TRPM3: variants seen among roughly 807,000 people sequenced by gnomAD.
TRPM3 encodes the protein long transient receptor potential channel 3.
In TRPM3, 77 loss-of-function variants were observed where a neutral mutation model predicts 181.2. The ratio of observed to expected loss-of-function variants is 0.42; its 90% CI spans 0.35 to 0.51. The LOEUF is 0.51. TRPM3 is among the 20% of genes least tolerant of loss of function. The probability of loss-of-function intolerance (pLI) is 0.01; values close to 1 mark genes in which losing one functional copy is unlikely to be tolerated. For missense variants in TRPM3, 1,759 were observed against 2,196.7 expected (o/e 0.80, Z 3.98); for synonymous variants, 745 against 796.4 (o/e 0.94, Z 1.09).
At chr9:71,426,861 T>C (rs1298020936) in intron 1 of TRPM3, among the ~76,000 whole-genome samples, 1 of 152,126 alleles carries the variant, frequency 6.6e-6, no homozygotes, top group African/African-American at 2.4e-5. Flanking sequence ...GAGGTAATTC[T>C]CGATTTTTTT....
chr9:71,194,334 C>T (rs577681809), intron 1 of TRPM3, among the ~76,000 whole-genome samples: 2 of 152,040 alleles, frequency 1.3e-5, no homozygotes, highest in Non-Finnish European at 2.9e-5. Flanking sequence ...TTCATAAACC[C>T]TGTTTCCTCT....
chr9:71,353,466 TCTATCCA>T (rs1345850361), intron 1 of TRPM3, among the ~76,000 whole-genome samples: 1 of 152,154 alleles, frequency 6.6e-6, no homozygotes, highest in Non-Finnish European at 1.5e-5. Flanking sequence ...TGTCTCTATA[TCTATCCA>T]TGGCAGAGTT....
chr9:70,952,048 G>A (rs924635459), intron 1 of TRPM3, among the ~76,000 whole-genome samples: 1 of 152,168 alleles, frequency 6.6e-6, no homozygotes, highest in Non-Finnish European at 1.5e-5. Context: ...GAATGCAAAT[G>A]CAATGCCCTG....
chr9:70,537,429 A>C (rs760514848), intron 25 of TRPM3, 24 bp from the exon 26 acceptor site: 1 of 1,427,384 alleles, frequency 7.0e-7, no homozygotes, highest in Admixed American at 2.6e-5. Context: ...AGAGAATGAG[A>C]GTCACTCGGC....
In TRPM3 at chr9:71,361,345, C is replaced by A. The variant is rs141047755; in HGVS notation, c.183+85308G>T. On this transcript the variant is annotated intron_variant, in intron 1 of 24. Coordinates refer to the TRPM3 transcript ENST00000357533. ...TACCTCTCTGTGCTATTTTGAGAGA[C>A]CATAGCGTAAGAAAAAATTAACTCC... Among the ~76,000 whole-genome samples the A allele has an allele frequency of 9.9e-3, 1,505 of 152,052 alleles. 19 individuals carry two copies. The highest frequency in any genetic ancestry group is 0.044 in the Middle Eastern group (13 of 294).
chr9:71,017,172 T>C (rs532110782), intron 1 of TRPM3, among the ~76,000 whole-genome samples: 2 of 152,210 alleles, frequency 1.3e-5, no homozygotes, highest in Admixed American at 6.5e-5. Context: ...CAAGAAGACA[T>C]GTATAGGACA....
chr9:71,369,653 A>T (rs916666813), intron 1 of TRPM3, among the ~76,000 whole-genome samples: 9 of 152,164 alleles, frequency 5.9e-5, no homozygotes, highest in African/African-American at 2.2e-4. Context: ...AAGTGCTGGG[A>T]TTACAAGCGT....
At chr9:70,880,719 C>T (rs1394785187) in intron 1 of TRPM3, among the ~76,000 whole-genome samples, 2 of 152,078 alleles carry the variant, frequency 1.3e-5, no homozygotes, top group Non-Finnish European at 2.9e-5. Flanking sequence ...TGCTCATTAA[C>T]ATTTAAGACC....
At chr9:70,795,043 C>T (rs2086651305) in intron 6 of TRPM3, among the ~76,000 whole-genome samples, 1 of 152,228 alleles carries the variant, frequency 6.6e-6, no homozygotes, top group African/African-American at 2.4e-5. Context: ...GTAGCATTTA[C>T]ATTATATTAG....
At position 70,536,329 on chromosome 9, in the gene TRPM3, T is replaced by G. The variant is rs775650485; in HGVS notation, c.4784A>C (p.His1595Pro). Residue 1595 changes from histidine to proline, a missense_variant, in exon 26 of 26, where the codon CAT becomes CCT. Physicochemically the swap from His to Pro is moderately conservative, Grantham distance 77. This residue lies in a region of TRPM3 where 612 missense variants were observed against 590.0 expected (regional missense o/e 1.04). Transcript: ENST00000677713. ...ACTCAGTTCTGCTTCTCGCTCTGGATGGCAGCAAGTTAAGTCCTCCACTTT... is the reference window on the plus strand; with the variant it reads ...ACTCAGTTCTGCTTCTCGCTCTGGAGGGCAGCAAGTTAAGTCCTCCACTTT... ...GDKVEDLTCC[H>P]PEREAELSHP... The G allele has an allele frequency of 7.4e-6, 12 of 1,614,128 alleles. No homozygotes were observed. Among genetic ancestry groups the G allele is most frequent in the Middle Eastern group, 1.6e-4 (1 of 6,062 alleles).
intron 1 of TRPM3, among the ~76,000 whole-genome samples, chr9:71,144,077 A>C (rs1256959416): frequency 6.6e-6 from 1 of 152,160 alleles, no homozygotes; most frequent in East Asian, 1.9e-4. Flanking sequence ...TTAGTTCTCA[A>C]ATCTAGTTTT....
At chr9:71,134,384 T>G (rs2074623075) in intron 1 of TRPM3, among the ~76,000 whole-genome samples, 1 of 151,784 alleles carries the variant, frequency 6.6e-6, no homozygotes, top group Non-Finnish European at 1.5e-5. Context: ...AAACCCCATC[T>G]CTACTAAAAA....
chr9:70,591,444 G>T (rs2058091772), intron 21 of TRPM3, among the ~76,000 whole-genome samples: 1 of 152,156 alleles, frequency 6.6e-6, no homozygotes, highest in Non-Finnish European at 1.5e-5. Context: ...CACAGATGAA[G>T]CCTCTTCGTT....
At chr9:71,239,690 A>G (rs2081554934) in intron 1 of TRPM3, among the ~76,000 whole-genome samples, 1 of 152,164 alleles carries the variant, frequency 6.6e-6, no homozygotes, top group African/African-American at 2.4e-5. Context: ...TACCATTTAA[A>G]TTGTAGTATT....
chr9:71,193,121 A>G (rs2078133402), intron 1 of TRPM3, among the ~76,000 whole-genome samples: 1 of 151,858 alleles, frequency 6.6e-6, no homozygotes, highest in African/African-American at 2.4e-5. Flanking sequence ...ACAGGAAATT[A>G]CTTTGGATTT....
intron 14 of TRPM3, among the ~76,000 whole-genome samples, chr9:70,624,205 C>T (rs1478633807): frequency 6.6e-6 from 1 of 152,160 alleles, no homozygotes; most frequent in African/African-American, 2.4e-5. Flanking sequence ...CCTTAACAAA[C>T]TAATTTTCCA....
intron 25 of TRPM3, among the ~76,000 whole-genome samples, chr9:70,545,319 C>G (rs937656623): frequency 3.9e-5 from 6 of 152,106 alleles, no homozygotes; most frequent in African/African-American, 7.2e-5. Context: ...GCTCTAACAA[C>G]ACAGGGAATT....
chr9:70,777,293 G>T lies in TRPM3; in HGVS notation c.1148+6812C>A, dbSNP rs773837925. 6.0e-4 allele frequency among the ~76,000 whole-genome samples: 91 copies of T among 152,046 alleles called. 1 individual carries two copies. Among genetic ancestry groups the T allele is most frequent in the Non-Finnish European group, 1.3e-3 (86 of 67,988 alleles). On this transcript the variant is annotated intron_variant, in intron 7 of 25. Coordinates refer to ENST00000677713, the MANE Select transcript of TRPM3 (RefSeq NM_001366145.2). ...ACTCTTTAGAAAATAGTGTGGAGCT[G>T]AGCAATTATAAAGCAAATTTAGTCC... is the stretch of plus-strand genomic sequence containing the variant.
intron 1 of TRPM3, among the ~76,000 whole-genome samples, chr9:71,444,225 A>G (rs552746239): frequency 6.6e-6 from 1 of 152,050 alleles, no homozygotes; most frequent in Non-Finnish European, 1.5e-5. Flanking sequence ...TTGAGGACAG[A>G]GTCATGGACT....
Sources: allele counts gnomAD v4.1 joint callset (sites outside exome capture counted in the v4.1 genomes callset), GRCh38; gene constraint gnomAD v4.1.1; regional missense constraint gnomAD v4.1.1; transcripts MANE v1.5; gene names NCBI Gene and HGNC (gene_info 2026-07-23, HGNC 2026-07-21).